LRIG1: variants seen among roughly 807,000 people sequenced by gnomAD.
LRIG1 encodes leucine-rich repeats and immunoglobulin-like domains protein 1.
Under a neutral mutation model 99.2 loss-of-function variants are expected in LRIG1, and 48 were observed. That is an observed-to-expected ratio of 0.48 (90% CI 0.38 to 0.62). LRIG1 has a LOEUF of 0.62. Among genes scored for constraint, LRIG1 ranks in the 20% least tolerant of loss-of-function variants. The pLI is 0.00. For missense variants in LRIG1, 1,646 were observed against 1,434.4 expected, an observed-to-expected ratio of 1.15 and a Z score of -2.38; for synonymous variants, 772 against 596.1, an observed-to-expected ratio of 1.29 and a Z score of -4.30.
At chr3:66,475,729 C>G (rs755334494) in intron 1 of LRIG1, among the ~76,000 whole-genome samples, 7 of 152,204 alleles carry the variant, frequency 4.6e-5, no homozygotes, top group Non-Finnish European at 1.0e-4. Flanking sequence ...AGAACTAGTG[C>G]AGAAAGCACC....
chr3:66,473,041 A>T (rs1700640051), intron 1 of LRIG1, among the ~76,000 whole-genome samples: 1 of 152,150 alleles, frequency 6.6e-6, no homozygotes, highest in Non-Finnish European at 1.5e-5. Flanking sequence ...ACGTGTAGTG[A>T]TTAGGGGTTT....
intron 1 of LRIG1, among the ~76,000 whole-genome samples, chr3:66,465,447 T>G (rs1370492620): frequency 7.3e-6 from 1 of 137,422 alleles, no homozygotes; most frequent in Admixed American, 8.6e-5. Context: ...CACTGTGACC[T>G]CCACCTCTTG....
chr3:66,462,537 G>T, intron 1 of LRIG1, 28 bp from the exon 2 acceptor site: 1 of 1,523,894 alleles, frequency 6.6e-7, no homozygotes, highest in Non-Finnish European at 9.1e-7. Context: ...AGAAAAAAAC[G>T]GAATCAACAA....
At chr3:66,394,991 A>C (rs960071963) in intron 11 of LRIG1, among the ~76,000 whole-genome samples, 1 of 152,242 alleles carries the variant, frequency 6.6e-6, no homozygotes, top group Non-Finnish European at 1.5e-5. Flanking sequence ...TTCATTTCTC[A>C]GCAACTAAGG....
At chr3:66,411,109 T>C (rs1391809235) in intron 6 of LRIG1, among the ~76,000 whole-genome samples, 1 of 152,220 alleles carries the variant, frequency 6.6e-6, no homozygotes, top group Non-Finnish European at 1.5e-5. Context: ...AGTGCAGCTC[T>C]AGGCCTGAGC....
At chr3:66,386,665 C>T (rs1701391222) in intron 12 of LRIG1, 2 of 183,818 alleles carry the variant, frequency 1.1e-5, no homozygotes, top group Non-Finnish European at 2.3e-5. Context: ...GAGATCTTAC[C>T]CACAAACCTT....
intron 14 of LRIG1, among the ~76,000 whole-genome samples, 157 bp from the exon 15 acceptor site, chr3:66,383,558 T>G (rs1262382815): frequency 6.6e-6 from 1 of 152,204 alleles, no homozygotes; most frequent in Non-Finnish European, 1.5e-5. Flanking sequence ...TTCAACTCAT[T>G]GACTGAGTCA....
At chr3:66,478,799 G>T (rs914728724) in intron 1 of LRIG1, among the ~76,000 whole-genome samples, 3 of 152,172 alleles carry the variant, frequency 2.0e-5, no homozygotes, top group Admixed American at 2.0e-4. Flanking sequence ...CCTCCTGTCA[G>T]TTCATCTAGA....
chr3:66,406,258 T>C lies in LRIG1; in HGVS notation c.1080-980A>G, dbSNP rs189903228. The C allele has an allele frequency of 2.6e-3, 2,580 of 985,452 alleles. 6 individuals carry two copies. The highest frequency in any genetic ancestry group is 2.9e-3 in the Non-Finnish European group (2,401 of 829,938). The allele number at this position is 985,452 out of a possible 1,614,324, so 61.0% of individuals were successfully genotyped here. On this transcript the variant is annotated intron_variant, in intron 8 of 18. Coordinates refer to ENST00000273261, the MANE Select transcript of LRIG1 (RefSeq NM_015541.3). ...GGGACTTCTCCTCTCAATGGGTTCC[T>C]TCCTATCATCTGCATACTGAAAAAA...
intron 11 of LRIG1, among the ~76,000 whole-genome samples, chr3:66,395,612 T>G (rs1183014425): frequency 1.3e-5 from 2 of 152,244 alleles, no homozygotes; most frequent in Non-Finnish European, 2.9e-5. Flanking sequence ...CATGAGAGTT[T>G]GCATTTTTAT....
At position 66,410,099 on chromosome 3, in the gene LRIG1, C is replaced by T. The variant is rs746875952; in HGVS notation, c.935+30G>A. 3.2e-6 allele frequency: 5 copies of T among 1,584,976 alleles called. No individual in the cohort carries two copies. The Admixed American group carries it at 8.9e-5, about 28-fold the overall frequency. On this transcript the variant is annotated intron_variant, in intron 7 of 18. Transcript: ENST00000273261. ...CACCTCCAAGCAGTGTCTAAAAACA[C>T]TGCCACAGCCCAGAGCCGAGGACAC...
intron 3 of LRIG1, 124 bp from the exon 4 acceptor site, chr3:66,417,390 G>C (rs1702647998): frequency 1.3e-5 from 13 of 990,316 alleles, no homozygotes; most frequent in Middle Eastern, 3.3e-4. Flanking sequence ...TTAAAAATGA[G>C]ATCTCCTGTT....
intron 1 of LRIG1, among the ~76,000 whole-genome samples, chr3:66,497,753 T>G (rs1313618967): frequency 7.0e-6 from 1 of 143,298 alleles, no homozygotes; most frequent in South Asian, 2.4e-4. Flanking sequence ...ACAGGTCCTC[T>G]GCTATCTCAA....
intron 9 of LRIG1, among the ~76,000 whole-genome samples, chr3:66,400,300 A>C (rs1280054777): frequency 6.6e-6 from 1 of 152,222 alleles, no homozygotes; most frequent in Non-Finnish European, 1.5e-5. Flanking sequence ...AAGAGAATCG[A>C]GTTTTCCCCT....
chr3:66,488,065 AAAGAAT>A (rs967244599), intron 1 of LRIG1, among the ~76,000 whole-genome samples: 3 of 152,176 alleles, frequency 2.0e-5, no homozygotes, highest in Non-Finnish European at 4.4e-5. Context: ...TTTACACGAT[AAAGAAT>A]GAGTGGAAGG....
chr3:66,496,011 G>A (rs536608842), intron 1 of LRIG1, among the ~76,000 whole-genome samples: 37 of 152,314 alleles, frequency 2.4e-4, no homozygotes, highest in South Asian at 1.0e-3. Context: ...TTCAGCTAAC[G>A]GTGCAGAGCT....
Position 66,405,314 on chromosome 3 carries a change from C to T in LRIG1, c.1080-36G>A, listed in dbSNP as rs371619741. 6.4e-5 allele frequency: 99 copies of T among 1,555,608 alleles called. No homozygotes were observed. In the African/African-American group the frequency reaches 1.2e-3, roughly 18 times the overall value. On this transcript the variant is annotated intron_variant, in intron 8 of 18. Transcript: ENST00000273261. Reference sequence around the variant, plus strand: ...GACAGAAAGCAGCTCACCGAGCAGTCGGGGCGTGAAGGGAAAGCAAACTCT... The same window carrying T: ...GACAGAAAGCAGCTCACCGAGCAGTTGGGGCGTGAAGGGAAAGCAAACTCT...
intron 7 of LRIG1, among the ~76,000 whole-genome samples, chr3:66,408,956 GT>G (rs1702370722): frequency 3.0e-5 from 4 of 132,550 alleles, no homozygotes; most frequent in Non-Finnish European, 3.3e-5. Context: ...GTGTGTGTGT[GT>G]GTGTGGTGGG....
At position 66,500,531 on chromosome 3, in the gene LRIG1, G is replaced by A; in HGVS notation, c.-124C>T. ...GACTCCGCACCGGGGCATGGCCCCCGCCCCAAGTTCTCTCTGCGGCCGCGG... is the reference window on the plus strand; with the variant it reads ...GACTCCGCACCGGGGCATGGCCCCCACCCCAAGTTCTCTCTGCGGCCGCGG... On this transcript the variant is annotated 5_prime_UTR_variant, in exon 1 of 19. Coordinates refer to ENST00000273261, the MANE Select transcript of LRIG1 (RefSeq NM_015541.3). 4.2e-6 allele frequency: 2 copies of A among 470,832 alleles called. No individual in the cohort carries two copies. Among genetic ancestry groups the A allele is most frequent in the Non-Finnish European group, 6.8e-6 (2 of 292,698 alleles). 29.2% of individuals were successfully genotyped at this position (470,832 alleles called of 1,614,324 possible).
Sources: allele counts gnomAD v4.1 joint callset (sites outside exome capture counted in the v4.1 genomes callset), GRCh38; gene constraint gnomAD v4.1.1; transcripts MANE v1.5; gene names NCBI Gene and HGNC (gene_info 2026-07-23, HGNC 2026-07-21).